The following CDKN2B-AS1 variants were observed in gnomAD, a reference collection of about 807,000 sequenced individuals.
CDKN2B-AS1 encodes the protein CDKN2B antisense RNA 1 (non-protein coding).
chr9:22,103,897 A>G (rs2131359400), intron 4 of CDKN2B-AS1, among the ~76,000 whole-genome samples: 1 of 152,346 alleles, frequency 6.6e-6, no homozygotes. Flanking sequence ...CGTTCCAGTG[A>G]CGGTTATTGC....
intron 4 of CDKN2B-AS1, among the ~76,000 whole-genome samples, chr9:22,099,967 T>C (rs1437330718): frequency 3.9e-5 from 6 of 152,174 alleles, no homozygotes; most frequent in African/African-American, 1.4e-4. Flanking sequence ...TGTGTTCTAT[T>C]TTGTACATTT....
intron 1 of CDKN2B-AS1, chr9:22,004,002 A>G (rs924617068): frequency 7.3e-5 from 17 of 232,714 alleles, no homozygotes; most frequent in Non-Finnish European, 4.2e-5. Context: ...TTCTTTGTGC[A>G]TCCATGGAAT....
At chr9:22,077,828 C>T (rs1171251986) in intron 4 of CDKN2B-AS1, 1 of 152,154 alleles carries the variant, frequency 6.6e-6, no homozygotes, top group African/African-American at 2.4e-5. Flanking sequence ...ATGATACCTG[C>T]TTCTCTATCT....
At chr9:22,126,849 G>A (rs72655417) in intron 4 of CDKN2B-AS1, among the ~76,000 whole-genome samples, 8 of 152,264 alleles carry the variant, frequency 5.3e-5, no homozygotes, top group Admixed American at 3.3e-4. Context: ...TGGGATTACA[G>A]GCGTGAGAAG....
rs1189460133 is a variant in CDKN2B-AS1, at chr9:21,996,304, C to A, written n.29+1143C>A. 6.6e-6 allele frequency among the ~76,000 whole-genome samples: 1 copy of A among 152,190 alleles called. No homozygotes were observed. The highest frequency in any genetic ancestry group is 6.5e-5 in the Admixed American group (1 of 15,288). On this transcript the variant is annotated intron_variant and non_coding_transcript_variant, in intron 1 of 4. Coordinates refer to ENST00000650946, the Ensembl canonical transcript of CDKN2B-AS1. This position sits in a 1 kb window ranked among gnomAD's most constrained non-coding sequence, Gnocchi z 5.4. Reference sequence around the variant, plus strand: ...ACTCTTACGTAGCCACTCTAAATATCTATCTAGATATTTACAAATGCACCT... The same window carrying A: ...ACTCTTACGTAGCCACTCTAAATATATATCTAGATATTTACAAATGCACCT...
At chr9:22,061,302 G>A (rs1025660126) in intron 4 of CDKN2B-AS1, among the ~76,000 whole-genome samples, 3 of 152,084 alleles carry the variant, frequency 2.0e-5, no homozygotes, top group South Asian at 2.1e-4. Context: ...TCCTTTACTA[G>A]CCAAAATCTG....
At chr9:22,049,100 T>C (rs1025863268) in intron 2 of CDKN2B-AS1, 1 of 152,166 alleles carries the variant, frequency 6.6e-6, no homozygotes, top group Non-Finnish European at 1.5e-5. Flanking sequence ...TATGTGGTTC[T>C]TCTAGGGTTC....
chr9:22,047,319 T>G (rs574441996), intron 2 of CDKN2B-AS1, among the ~76,000 whole-genome samples: 127 of 152,304 alleles, frequency 8.3e-4, no homozygotes, highest in African/African-American at 2.9e-3. Context: ...TATGCTGATA[T>G]AAATATTTCA....
intron 1 of CDKN2B-AS1, chr9:22,009,138 C>G (rs1036312624): frequency 1.2e-5 from 9 of 770,938 alleles, no homozygotes; most frequent in Non-Finnish European, 1.3e-5. Context: ...GCCGAGCGGC[C>G]GGTCGTTAGC....
Position 21,995,346 on chromosome 9 carries a change from C to A in CDKN2B-AS1, n.29+185C>A. 6.5e-6 allele frequency: 1 copy of A among 152,776 alleles called. No homozygotes were observed. Among genetic ancestry groups the A allele is most frequent in the Non-Finnish European group, 1.5e-5 (1 of 68,306 alleles). The allele number at this position is 152,776 out of a possible 1,614,324, so 9.5% of individuals were successfully genotyped here. On this transcript the variant is annotated intron_variant and non_coding_transcript_variant, in intron 1 of 4. Coordinates refer to ENST00000650946, the Ensembl canonical transcript of CDKN2B-AS1. This position sits in a 1 kb window ranked among gnomAD's most constrained non-coding sequence, Gnocchi z 5.7. Reference sequence around the variant, plus strand: ...ATCTGAGCGCTTCTTCCTCTTTCCTCTTCCCCCGCGCTCCCCTCCCCTGCT... The same window carrying A: ...ATCTGAGCGCTTCTTCCTCTTTCCTATTCCCCCGCGCTCCCCTCCCCTGCT...
intron 4 of CDKN2B-AS1, among the ~76,000 whole-genome samples, chr9:22,104,640 T>TTTCATTCA (rs1009839709): frequency 1.3e-5 from 2 of 152,240 alleles, no homozygotes; most frequent in African/African-American, 4.8e-5. Context: ...TTACCTACTC[T>TTTCATTCA]TTCATTCATT....
chr9:22,078,325 G>T (rs1443532876), intron 4 of CDKN2B-AS1, among the ~76,000 whole-genome samples: 1 of 151,736 alleles, frequency 6.6e-6, no homozygotes, highest in East Asian at 1.9e-4. Flanking sequence ...CTTATCAGTA[G>T]CTAAAACCCC....
intron 1 of CDKN2B-AS1, among the ~76,000 whole-genome samples, chr9:22,027,386 T>C (rs1271631295): frequency 6.6e-6 from 1 of 152,098 alleles, no homozygotes; most frequent in Non-Finnish European, 1.5e-5. Flanking sequence ...GAAGAATCTA[T>C]TGGAAAAAAC....
chr9:22,114,799 G>T (rs1450095055), intron 4 of CDKN2B-AS1, among the ~76,000 whole-genome samples: 1 of 152,146 alleles, frequency 6.6e-6, no homozygotes, highest in Admixed American at 6.5e-5. Context: ...ACAATTTTTT[G>T]TGTGTGAATT....
intron 4 of CDKN2B-AS1, among the ~76,000 whole-genome samples, chr9:22,071,036 G>C (rs1479360167): frequency 6.6e-6 from 1 of 151,986 alleles, no homozygotes; most frequent in East Asian, 1.9e-4. Flanking sequence ...CAAGCCACTG[G>C]ATTAAGCCAC....
chr9:22,063,622 T>A (rs563140606), intron 4 of CDKN2B-AS1, among the ~76,000 whole-genome samples: 1 of 152,348 alleles, frequency 6.6e-6, no homozygotes, highest in East Asian at 1.9e-4. Flanking sequence ...TTGCCAGGTG[T>A]GTGCAATAGT....
chr9:22,082,240 G>A (rs942887289), intron 4 of CDKN2B-AS1, among the ~76,000 whole-genome samples: 2 of 152,142 alleles, frequency 1.3e-5, no homozygotes, highest in African/African-American at 2.4e-5. Context: ...TAGTTATAGC[G>A]GGTCTTGAAA....
intron 1 of CDKN2B-AS1, among the ~76,000 whole-genome samples, chr9:22,020,511 CT>C (rs1353845932): frequency 6.6e-6 from 1 of 152,136 alleles, no homozygotes; most frequent in Non-Finnish European, 1.5e-5. Flanking sequence ...CTAAGTGTTC[CT>C]TTTTCTCCAC....
At chr9:22,038,845 T>G (rs73652844) in intron 1 of CDKN2B-AS1, among the ~76,000 whole-genome samples, 3,383 of 152,160 alleles carry the variant, frequency 0.022, 114 homozygotes, top group African/African-American at 0.076. Flanking sequence ...AAAAAACAAC[T>G]GCTTATCTCC....
Sources: gnomAD v4.1 joint callset for allele counts (sites outside exome capture counted in the v4.1 genomes callset) on GRCh38, gnomAD v4.1.1 for gene constraint, Gnocchi (gnomAD v3.1) non-coding constraint, MANE v1.5 for transcripts, NCBI Gene and HGNC (gene_info 2026-07-23, HGNC 2026-07-21) for gene names.